The following FOXN3 variants were observed in gnomAD, a reference collection of about 807,000 sequenced individuals.
FOXN3 encodes forkhead box N3.
FOXN3 carries 7 observed loss-of-function variants against 38.4 expected under a neutral mutation model. The observed-to-expected ratio is 0.18, with a 90% CI of 0.10 to 0.34. FOXN3 has a LOEUF of 0.34. Ranked by LOEUF, FOXN3 falls within the 10% of genes least tolerant of loss-of-function variation. The pLI is 1.00. For synonymous variants in FOXN3, 230 were observed against 242.2 expected, an observed-to-expected ratio of 0.95 and a Z score of 0.47; for missense variants, 456 against 613.4, an observed-to-expected ratio of 0.74 and a Z score of 2.71.
At chr14:89,402,504 T>C (rs1322589545) in intron 2 of FOXN3, among the ~76,000 whole-genome samples, 1 of 152,214 alleles carries the variant, frequency 6.6e-6, no homozygotes, top group Non-Finnish European at 1.5e-5. Context: ...ACATTTAACT[T>C]GGGGTTCCAA....
chr14:89,289,971 T>A (rs532374918), intron 3 of FOXN3, among the ~76,000 whole-genome samples: 2 of 152,286 alleles, frequency 1.3e-5, no homozygotes, highest in Admixed American at 6.5e-5. Flanking sequence ...TCCCTTTAAA[T>A]CCATAATGTT....
At chr14:89,167,385 T>C (rs953721515) in intron 5 of FOXN3, among the ~76,000 whole-genome samples, 2 of 152,248 alleles carry the variant, frequency 1.3e-5, no homozygotes, top group Non-Finnish European at 2.9e-5. Context: ...CCTGGTGCAC[T>C]AGGAGTCTCT....
intron 4 of FOXN3, among the ~76,000 whole-genome samples, chr14:89,251,766 A>G (rs1885462983): frequency 6.6e-6 from 1 of 152,246 alleles, no homozygotes; most frequent in Non-Finnish European, 1.5e-5. Context: ...TTGGATTCAT[A>G]AAATCATTAC....
intron 1 of FOXN3, among the ~76,000 whole-genome samples, chr14:89,573,865 C>T (rs1356082779): frequency 6.6e-6 from 1 of 152,002 alleles, no homozygotes; most frequent in African/African-American, 2.4e-5. Context: ...GACCCTGTCT[C>T]TATTTTAATA....
chr14:89,545,868 C>T (rs1391458986), intron 1 of FOXN3, among the ~76,000 whole-genome samples: 2 of 152,148 alleles, frequency 1.3e-5, no homozygotes, highest in Non-Finnish European at 2.9e-5. Flanking sequence ...CTAACCTTTC[C>T]CTGTTACCTA....
At chr14:89,524,556 T>G (rs926474391) in intron 1 of FOXN3, among the ~76,000 whole-genome samples, 1 of 151,412 alleles carries the variant, frequency 6.6e-6, no homozygotes, top group Non-Finnish European at 1.5e-5. Context: ...TCAATAAAAC[T>G]CTCATCAGTA....
At chr14:89,272,329 T>C (rs1464756052) in intron 4 of FOXN3, among the ~76,000 whole-genome samples, 2 of 151,826 alleles carry the variant, frequency 1.3e-5, no homozygotes, top group African/African-American at 4.8e-5. Flanking sequence ...AAAGAAGTGA[T>C]GGTTGCACAA....
intron 1 of FOXN3, among the ~76,000 whole-genome samples, chr14:89,543,733 C>A (rs1454003663): frequency 6.6e-6 from 1 of 152,206 alleles, no homozygotes; most frequent in Non-Finnish European, 1.5e-5. Flanking sequence ...CTGTAACTCA[C>A]TTCCAAATTC....
chr14:89,390,313 C>CTATATA (rs56143578), intron 2 of FOXN3, among the ~76,000 whole-genome samples: 2 of 143,558 alleles, frequency 1.4e-5, no homozygotes, highest in Admixed American at 7.0e-5. Context: ...CTCTCTCTCT[C>CTATATA]TATATATATA....
At chr14:89,581,207 T>C (rs1895731562) in intron 1 of FOXN3, among the ~76,000 whole-genome samples, 1 of 151,544 alleles carries the variant, frequency 6.6e-6, no homozygotes, top group Non-Finnish European at 1.5e-5. Context: ...AAAGGCTGGG[T>C]GCGGTGGCTC....
At chr14:89,590,259 C>T (rs958981135) in intron 1 of FOXN3, among the ~76,000 whole-genome samples, 2 of 152,018 alleles carry the variant, frequency 1.3e-5, no homozygotes, top group African/African-American at 2.4e-5. Flanking sequence ...AAACTGAAGA[C>T]GTGCAAGTCA....
chr14:89,575,892 T>A (rs903562004), intron 1 of FOXN3, among the ~76,000 whole-genome samples: 18 of 152,236 alleles, frequency 1.2e-4, no homozygotes, highest in African/African-American at 3.9e-4. Flanking sequence ...TGTGAAACTC[T>A]TCATTCAGCA....
chr14:89,316,581 G>A (rs1203508383), intron 3 of FOXN3, among the ~76,000 whole-genome samples: 2 of 149,230 alleles, frequency 1.3e-5, no homozygotes, highest in African/African-American at 2.5e-5. Flanking sequence ...GACTGGTCTC[G>A]AACTCCTGGG....
chr14:89,513,275 T>A (rs1036434050), intron 1 of FOXN3, among the ~76,000 whole-genome samples: 1 of 152,104 alleles, frequency 6.6e-6, no homozygotes, highest in African/African-American at 2.4e-5. Context: ...TTCTTTTTTT[T>A]TATTTTTCAT....
rs894256507 is a variant in FOXN3, at chr14:89,412,817, T to C, written c.-14-327A>G. On this transcript the variant is annotated intron_variant, in intron 1 of 5. Coordinates refer to ENST00000557258, the MANE Select transcript of FOXN3 (RefSeq NM_005197.4). The surrounding 1 kb of genome is among the most constrained non-coding windows in gnomAD (Gnocchi z 4.7). ...GGGAGGCTGAGGCGGGACGATTGCT[T>C]GAGACCAGGAGACCAGTTTTAAAGT... 6.6e-6 allele frequency among the ~76,000 whole-genome samples: 1 copy of C among 152,176 alleles called. No homozygotes were observed. Among genetic ancestry groups the C allele is most frequent in the African/African-American group, 2.4e-5 (1 of 41,432 alleles).
chr14:89,383,230 T>C (rs1433316393), intron 2 of FOXN3, among the ~76,000 whole-genome samples: 3 of 152,060 alleles, frequency 2.0e-5, no homozygotes, highest in Non-Finnish European at 2.9e-5. Flanking sequence ...AATGTCTAAA[T>C]GTTCACGAAC....
rs1894023443 is a variant in FOXN3 at position 89,510,002 on chromosome 14, C to T, written c.-14-97512G>A. Among the ~76,000 whole-genome samples, 3 of 152,336 alleles carry T rather than the reference C, an allele frequency of 2.0e-5. No homozygotes were observed. In the South Asian group the frequency reaches 6.2e-4, roughly 32 times the overall value. On this transcript the variant is annotated intron_variant, in intron 1 of 6. Coordinates refer to the FOXN3 transcript ENST00000345097. Reference sequence around the variant, plus strand: ...TTCCCCATGTTTCCCAGCTCTCATTCACCAGTCAGCTTAATGGAATTCCCC... The same window carrying T: ...TTCCCCATGTTTCCCAGCTCTCATTTACCAGTCAGCTTAATGGAATTCCCC...
chr14:89,426,646 C>T (rs956163236), intron 1 of FOXN3, among the ~76,000 whole-genome samples: 1 of 152,156 alleles, frequency 6.6e-6, no homozygotes, highest in Non-Finnish European at 1.5e-5. Flanking sequence ...TAACTGGATG[C>T]CAGACAGTGT....
intron 1 of FOXN3, among the ~76,000 whole-genome samples, chr14:89,498,778 G>C (rs1893738828): frequency 6.7e-6 from 1 of 148,244 alleles, no homozygotes. Context: ...CTTGGTGGTG[G>C]GCTGCACACA....
Sources: allele counts gnomAD v4.1 joint callset (sites outside exome capture counted in the v4.1 genomes callset), GRCh38; gene constraint gnomAD v4.1.1; non-coding constraint Gnocchi (gnomAD v3.1); transcripts MANE v1.5; gene names NCBI Gene and HGNC (gene_info 2026-07-23, HGNC 2026-07-21).